ZNF77: variants seen among roughly 807,000 people sequenced by gnomAD.
ZNF77 encodes ZNFpT1.
Under a neutral mutation model 13.5 loss-of-function variants are expected in ZNF77, and 15 were observed. The observed-to-expected ratio is 1.11, with a 90% CI of 0.74 to 1.71. The LOEUF (loss-of-function observed/expected upper bound fraction) is 1.71, where lower values mean the gene tolerates loss of function less well. Ranked by LOEUF, ZNF77 falls within the 40% of genes most tolerant of loss-of-function variation. The pLI is 0.00. For synonymous variants in ZNF77, 282 were observed against 250.0 expected, an observed-to-expected ratio of 1.13 and a Z score of -1.21; for missense variants, 717 against 676.4, an observed-to-expected ratio of 1.06 and a Z score of -0.67.
intron 3 of ZNF77, among the ~76,000 whole-genome samples, chr19:2,935,828 G>A (rs1306246065): frequency 2.0e-5 from 3 of 151,950 alleles, no homozygotes; most frequent in Admixed American, 6.6e-5. Context: ...ACCAGCCTGG[G>A]CAACACAGTG....
At position 2,933,691 on chromosome 19, in the gene ZNF77, A is replaced by T; in HGVS notation, c.1436T>A (p.Phe479Tyr). ...CGKAFSHAQY[F>Y]QKHVRSHSGV... ...ACTGTGTGATCTCACATGCTTTTGA[A>T]AGTACTGAGCGTGGCTGAAGGCTTT... The change falls in exon 4 of 4, where the codon TTT (phenylalanine) becomes TAT (tyrosine). Residue 479 changes from phenylalanine to tyrosine, a missense_variant. Transcript: ENST00000314531. The T allele has an allele frequency of 6.2e-7, 1 of 1,611,986 alleles. No homozygotes were observed. The highest frequency in any genetic ancestry group is 8.5e-7 in the Non-Finnish European group (1 of 1,178,432).
At chr19:2,939,879 G>A (rs2088434308) in intron 1 of ZNF77, 1 of 167,420 alleles carries the variant, frequency 6.0e-6, no homozygotes, top group African/African-American at 2.4e-5. Flanking sequence ...ACTTAGGAGG[G>A]TGAGGAGGGA....
At position 2,936,577 on chromosome 19, in the gene ZNF77, A is replaced by G. The variant is rs35020820; in HGVS notation, c.258T>C (p.Asn86=). 1,112 of 1,611,454 alleles carry G rather than the reference A, an allele frequency of 6.9e-4. 8 individuals are homozygous for G. In the African/African-American group the frequency reaches 0.013, roughly 19 times the overall value. The change falls in exon 3 of 4, where the codon AAT becomes AAC. Residue 86 remains asparagine, a synonymous_variant. Coordinates refer to ENST00000314531, the MANE Select transcript of ZNF77 (RefSeq NM_021217.3). ...GATCTCCAGTGTTATCAAATCTCCA[A>G]TTTTCTCCAAAAATAGACCAGGAAT... The part of the protein sequence containing the change: ...GSDSWSIFGE[N]WRFDNTGDQH...
At chr19:2,937,554 A>C (rs2088408450) in intron 2 of ZNF77, among the ~76,000 whole-genome samples, 1 of 152,140 alleles carries the variant, frequency 6.6e-6, no homozygotes, top group African/African-American at 2.4e-5. Flanking sequence ...AATAGTTCCA[A>C]ACAGATGGAG....
Position 2,934,123 on chromosome 19 carries a change from CAAGTG to C in ZNF77, c.999_1003del (p.Phe333LeufsTer19). The C allele has an allele frequency of 6.2e-7, 1 of 1,613,864 alleles. No homozygotes were observed. The highest frequency in any genetic ancestry group is 8.5e-7 in the Non-Finnish European group (1 of 1,179,950). On this transcript the variant is annotated frameshift_variant, in exon 4 of 4. Transcript: ENST00000314531. LOFTEE classifies it low-confidence loss of function (END_TRUNC). ...CCCATGTTCTCGAAGAGACGAGTAA[CAAGTG>C]AACGCTTTTCCGCAATGTTTACACT... is the stretch of plus-strand genomic sequence containing the variant.
In ZNF77 at chr19:2,944,936, GC is replaced by G; in HGVS notation, c.-97del. Reference sequence around the variant, plus strand: ...AGGACACCTGAGCCGCTCGGGGTAGGCGGGGAAGCGCGCAAGGCAGAGGGGA... The same window carrying G: ...AGGACACCTGAGCCGCTCGGGGTAGGGGGGAAGCGCGCAAGGCAGAGGGGA... On this transcript the variant is annotated 5_prime_UTR_variant, in exon 1 of 4. Coordinates refer to ENST00000314531, the MANE Select transcript of ZNF77 (RefSeq NM_021217.3). 1 of 1,428,516 alleles carries G rather than the reference GC, an allele frequency of 7.0e-7. No homozygotes were observed. Among genetic ancestry groups the G allele is most frequent in the Non-Finnish European group, 9.2e-7 (1 of 1,085,112 alleles). 88.5% of individuals were successfully genotyped at this position (1,428,516 alleles called of 1,614,324 possible).
intron 3 of ZNF77, among the ~76,000 whole-genome samples, chr19:2,936,213 T>C (rs2088395217): frequency 6.6e-6 from 1 of 151,914 alleles, no homozygotes; most frequent in South Asian, 2.1e-4. Context: ...AATGGTGCGA[T>C]CTCAGCTCAC....
In ZNF77 at chr19:2,934,677, G is replaced by A. The variant is rs780768796; in HGVS notation, c.450C>T (p.Ala150=). The change falls in exon 4 of 4, where the codon GCC becomes GCT. Residue 150 remains alanine, a synonymous_variant. Coordinates refer to ENST00000314531, the MANE Select transcript of ZNF77 (RefSeq NM_021217.3). The part of the protein sequence containing the change: ...KPSECTKCGK[A]FENRQRSHTG... ...TGTGAGATCTCTGCCGATTCTCGAAGGCTTTGCCACACTTAGTGCACTCAG... is the reference window on the plus strand; with the variant it reads ...TGTGAGATCTCTGCCGATTCTCGAAAGCTTTGCCACACTTAGTGCACTCAG... 1.2e-6 allele frequency: 2 copies of A among 1,614,058 alleles called. No homozygotes were observed. Among genetic ancestry groups the A allele is most frequent in the Admixed American group, 3.3e-5 (2 of 59,994 alleles).
In ZNF77 at chr19:2,936,427, G is replaced by A. The variant is rs531997043; in HGVS notation, c.311+97C>T. The A allele has an allele frequency of 4.0e-5, 54 of 1,350,742 alleles. No individual in the cohort carries two copies. In the African/African-American group the frequency reaches 6.5e-4, roughly 16 times the overall value. The allele number at this position is 1,350,742 out of a possible 1,614,324, so 83.7% of individuals were successfully genotyped here. The stretch of plus-strand genomic sequence containing the variant: ...GCCTCCCAAAGTGCTGGGATTACAG[G>A]CGCGAGCCCCTGTGCCCAGCCGATA... On this transcript the variant is annotated intron_variant, in intron 3 of 3. Transcript: ENST00000314531.
intron 2 of ZNF77, among the ~76,000 whole-genome samples, chr19:2,938,943 A>C (rs547979334): frequency 2.0e-5 from 3 of 151,322 alleles, no homozygotes; most frequent in Non-Finnish European, 4.4e-5. Context: ...GCGAGAGAGC[A>C]AGACTCCGTC....
Position 2,939,370 on chromosome 19 carries a change from G to A in ZNF77, c.41C>T (p.Thr14Ile), listed in dbSNP as rs1455994209. Residue 14 changes from threonine (T) to isoleucine (I), a missense_variant, in exon 2 of 4, where the codon ACC (threonine) becomes ATC (isoleucine). Physicochemically the swap from Thr to Ile is moderately conservative, Grantham distance 89. Transcript: ENST00000314531. ...ATCCAGCAATGCCCACTCTTCTGGG[G>A]TGAAGTTCACAGCCACTTCCTCAAA... ...VIFEEVAVNF[T>I]PEEWALLDHA... 4 of 1,614,070 alleles carry A rather than the reference G, an allele frequency of 2.5e-6. No individual in the cohort carries two copies. The highest frequency in any genetic ancestry group is 3.4e-6 in the Non-Finnish European group (4 of 1,180,008).
In ZNF77 at chr19:2,942,472, C is replaced by T. The variant is rs12976552; in HGVS notation, c.3+2366G>A. 2.0e-5 allele frequency among the ~76,000 whole-genome samples: 3 copies of T among 150,522 alleles called. No homozygotes were observed. The South Asian group carries it at 6.3e-4, about 32-fold the overall frequency. ...CTCGTGGGCTCAAGCGATTCTCCCC[C>T]CTCAGCCTCTCAAGTGGCTGGGACC... On this transcript the variant is annotated intron_variant, in intron 1 of 3. Coordinates refer to ENST00000314531, the MANE Select transcript of ZNF77 (RefSeq NM_021217.3).
chr19:2,937,681 CAGG>C (rs2088409936), intron 2 of ZNF77, among the ~76,000 whole-genome samples: 1 of 152,068 alleles, frequency 6.6e-6, no homozygotes, highest in South Asian at 2.1e-4. Context: ...CAGGGGGGTG[CAGG>C]AGAAGCCACA....
chr19:2,938,692 C>T (rs1404038407), intron 2 of ZNF77, among the ~76,000 whole-genome samples: 1 of 152,166 alleles, frequency 6.6e-6, no homozygotes, highest in Non-Finnish European at 1.5e-5. Context: ...CGCGGTGGCT[C>T]ACGCCTGTAA....
Position 2,933,383 on chromosome 19 carries a change from A to AT in ZNF77, c.*105_*106insA. On this transcript the variant is annotated 3_prime_UTR_variant, in exon 4 of 4. Coordinates refer to ENST00000314531, the MANE Select transcript of ZNF77 (RefSeq NM_021217.3). ...ACTCTGAATTTTTAGGTACAAAATA[A>AT]GTGCTATACCAGGTTTTCCTACATG... is the stretch of plus-strand genomic sequence containing the variant. The AT allele has an allele frequency of 7.4e-7, 1 of 1,355,038 alleles. No individual in the cohort carries two copies. Among genetic ancestry groups the AT allele is most frequent in the Non-Finnish European group, 9.9e-7 (1 of 1,013,060 alleles). The allele number at this position is 1,355,038 out of a possible 1,614,324, so 83.9% of individuals were successfully genotyped here.
At position 2,934,720 on chromosome 19, in the gene ZNF77, G is replaced by C. The variant is rs267605401; in HGVS notation, c.407C>G (p.Pro136Arg). 1.2e-6 allele frequency: 2 copies of C among 1,614,176 alleles called. No homozygotes were observed. The highest frequency in any genetic ancestry group is 1.7e-6 in the Non-Finnish European group (2 of 1,180,024). Reference protein sequence around the residue: ...TANLLVHKSYPTEAKPSECTK... With the variant: ...TANLLVHKSYRTEAKPSECTK... ...GCACTCAGAGGGTTTAGCTTCGGTA[G>C]GGTAACTCTTGTGCACAAGAAGGTT... Residue 136 changes from proline (P) to arginine (R), a missense_variant, in exon 4 of 4, where the codon CCT becomes CGT. Coordinates refer to ENST00000314531, the MANE Select transcript of ZNF77 (RefSeq NM_021217.3).
Position 2,934,262 on chromosome 19 carries a change from T to C in ZNF77, c.865A>G (p.Thr289Ala), listed in dbSNP as rs145980708. 5 of 1,613,416 alleles carry C rather than the reference T, an allele frequency of 3.1e-6. No homozygotes were observed. The African/African-American group carries it at 6.7e-5, about 22-fold the overall frequency. The change falls in exon 4 of 4, where the codon ACA becomes GCA. Residue 289 changes from threonine to alanine, a missense_variant. Coordinates refer to ENST00000314531, the MANE Select transcript of ZNF77 (RefSeq NM_021217.3). ...CPSYFREHVR[T>A]HTGEKPYECK... ...TCATACGGTTTCTCTCCAGTGTGTG[T>C]TCTGACATGTTCTCGAAAGTATGAG...
rs571405967 is a variant in ZNF77 at position 2,944,770 on chromosome 19, G to A, written c.3+68C>T. The A allele has an allele frequency of 2.5e-5, 37 of 1,474,568 alleles. No individual in the cohort carries two copies. The African/African-American group carries it at 3.8e-4, about 15-fold the overall frequency. The allele number at this position is 1,474,568 out of a possible 1,614,324, so 91.3% of individuals were successfully genotyped here. On this transcript the variant is annotated intron_variant, in intron 1 of 3. Coordinates refer to ENST00000314531, the MANE Select transcript of ZNF77 (RefSeq NM_021217.3). ...CTCAGCTTTCTCCGGCTGCGAACTC[G>A]GGCGGAAGCCGGTTCCTGCCGCCCC...
In ZNF77 at chr19:2,938,687, T is replaced by C. The variant is rs190757400; in HGVS notation, c.130+594A>G. On this transcript the variant is annotated intron_variant, in intron 2 of 3. Transcript: ENST00000314531. ...ACAAGGTATCTTAGGCCGGGCGCGG[T>C]GGCTCACGCCTGTAATCCCAGCACT... 2.4e-4 allele frequency among the ~76,000 whole-genome samples: 36 copies of C among 152,330 alleles called. No individual in the cohort carries two copies. The East Asian group carries it at 6.6e-3, about 28-fold the overall frequency.
Sources: allele counts gnomAD v4.1 joint callset (sites outside exome capture counted in the v4.1 genomes callset), GRCh38; gene constraint gnomAD v4.1.1; transcripts MANE v1.5; gene names NCBI Gene and HGNC (gene_info 2026-07-23, HGNC 2026-07-21).